DCST2: variants seen among roughly 807,000 people sequenced by gnomAD.
DCST2 encodes DC-STAMP domain-containing protein 2.
Under a neutral mutation model 81.8 loss-of-function variants are expected in DCST2, and 64 were observed. The ratio of observed to expected loss-of-function variants is 0.78; its 90% CI spans 0.64 to 0.96. DCST2 has a LOEUF of 0.96. DCST2 is among the 40% of genes least tolerant of loss of function. The pLI is 0.00. For missense variants in DCST2, 945 were observed against 1,001.4 expected (o/e 0.94, Z 0.76); for synonymous variants, 354 against 402.6 (o/e 0.88, Z 1.44).
chr1:155,030,308 C>G lies in DCST2; in HGVS notation c.1020-67G>C, dbSNP rs528875474. The G allele has an allele frequency of 6.0e-4, 956 of 1,604,088 alleles. 2 individuals are homozygous for G. The highest frequency in any genetic ancestry group is 7.3e-4 in the Non-Finnish European group (856 of 1,173,734). ...CCCAGGCCAGACCCCACAGGGCATC[C>G]GCGCTTCAACCCCACAACTTCAACC... is the stretch of plus-strand genomic sequence containing the variant. On this transcript the variant is annotated intron_variant, in intron 6 of 14. Coordinates refer to ENST00000368424, the MANE Select transcript of DCST2 (RefSeq NM_144622.3).
chr1:155,032,950 T>G, intron 2 of DCST2, 144 bp downstream of exon 2: 1 of 1,047,998 alleles, frequency 9.5e-7, no homozygotes, highest in Non-Finnish European at 1.4e-6. Flanking sequence ...GGAGAGAGGG[T>G]TTAGCTGTGC....
In DCST2 at chr1:155,024,522, C is replaced by T. The variant is rs777848599; in HGVS notation, c.1692G>A (p.Arg564=). 2.5e-5 allele frequency: 41 copies of T among 1,609,586 alleles called. No homozygotes were observed. The highest frequency in any genetic ancestry group is 3.5e-5 in the Non-Finnish European group (41 of 1,177,894). The change falls in exon 11 of 15, where the codon CGG becomes CGA. Residue 564 remains arginine (R), a synonymous_variant. Transcript: ENST00000368424. ...LLAALHRSVR[R]RAADQGHRSA... ...TTCTGTGGCCCTGGTCAGCCGCCCG[C>T]CGCCTCACTGATCGGTGCAGGGCAG...
chr1:155,030,317 A>G lies in DCST2; in HGVS notation c.1020-76T>C, dbSNP rs1046810397. The G allele has an allele frequency of 1.1e-5, 17 of 1,601,460 alleles. No homozygotes were observed. The East Asian group carries it at 2.9e-4, about 27-fold the overall frequency. On this transcript the variant is annotated intron_variant, in intron 6 of 14. Transcript: ENST00000368424. ...GACCCCACAGGGCATCCGCGCTTCA[A>G]CCCCACAACTTCAACCTCCCTGGAT...
At position 155,029,320 on chromosome 1, in the gene DCST2, C is replaced by T. The variant is rs200037746; in HGVS notation, c.1255G>A (p.Val419Met). ...TAGTCTAGGAAGACTAGGAACAGCA[C>T]GAGGAGGAGGTGTCGGATAAGGTTG... ...TFNLIRHLLL[V>M]LFLVFLDYAV... The change falls in exon 8 of 15, where the codon GTG (valine) becomes ATG (methionine). Residue 419 changes from valine (V) to methionine (M), a missense_variant. Coordinates refer to ENST00000368424, the MANE Select transcript of DCST2 (RefSeq NM_144622.3). 48 of 1,613,834 alleles carry T rather than the reference C, an allele frequency of 3.0e-5. No homozygotes were observed. The Admixed American group carries it at 4.5e-4, about 15-fold the overall frequency.
At chr1:155,022,956 GAC>G (rs1659792569) in intron 14 of DCST2, among the ~76,000 whole-genome samples, 159 bp downstream of exon 14, 1 of 152,190 alleles carries the variant, frequency 6.6e-6, no homozygotes, top group South Asian at 2.1e-4. Context: ...CCACGGTGCT[GAC>G]ACAGAGCAGC....
At chr1:155,031,846 C>G in intron 3 of DCST2, 75 bp from the exon 4 acceptor site, 1 of 1,461,504 alleles carries the variant, frequency 6.8e-7, no homozygotes, top group Non-Finnish European at 9.3e-7. Flanking sequence ...GGAACAATAC[C>G]ACAGTATCCA....
intron 14 of DCST2, 82 bp from the exon 15 acceptor site, chr1:155,018,842 C>T: frequency 7.3e-7 from 1 of 1,372,714 alleles, no homozygotes; most frequent in Non-Finnish European, 1.0e-6. Flanking sequence ...CCTGCCCCAT[C>T]TGTTCAGATC....
chr1:155,023,945 C>T lies in DCST2; in HGVS notation c.1757G>A (p.Gly586Asp), dbSNP rs1659826064. 6.2e-7 allele frequency: 1 copy of T among 1,613,112 alleles called. No homozygotes were observed. Among genetic ancestry groups the T allele is most frequent in the Non-Finnish European group, 8.5e-7 (1 of 1,179,838 alleles). Residue 586 changes from glycine (G) to aspartate (D), a missense_variant, in exon 12 of 15, where the codon GGT (glycine) becomes GAT (aspartate). Coordinates refer to ENST00000368424, the MANE Select transcript of DCST2 (RefSeq NM_144622.3). ...CAGCCAAAAGTGGCTGACAAATGGA[C>T]CTAGGCAGGGGCACCTGAGAAAAGG... ...LVLASRCPCL[G>D]PFVSHFWLHQ...
At position 155,023,125 on chromosome 1, in the gene DCST2, G is replaced by A. The variant is rs754305707; in HGVS notation, c.2097C>T (p.Ser699=). The change falls in exon 14 of 15, where the codon TCC becomes TCT. Residue 699 remains serine, a synonymous_variant. Coordinates refer to ENST00000368424, the MANE Select transcript of DCST2 (RefSeq NM_144622.3). ...LGRSLSMEST[S]ESSDLDEEKG... is the part of the protein sequence containing the mutation. ...TCCTGCTTCCTGCTCACCTGGACTC[G>A]GAAGTGGACTCCATTGAGAGGCTCC... 7.4e-6 allele frequency: 12 copies of A among 1,612,386 alleles called. No homozygotes were observed. The East Asian group carries it at 1.1e-4, about 15-fold the overall frequency.
chr1:155,023,504 C>A, intron 12 of DCST2, 47 bp from the exon 13 acceptor site: 2 of 1,553,526 alleles, frequency 1.3e-6, no homozygotes, highest in South Asian at 1.2e-5. Context: ...TTCACCCACC[C>A]ACCCTCTGTG....
Position 155,030,544 on chromosome 1 carries a change from G to A in DCST2, c.907C>T (p.Gln303Ter), listed in dbSNP as rs1394310706. 8.1e-6 allele frequency: 13 copies of A among 1,614,122 alleles called. No homozygotes were observed. Among genetic ancestry groups the A allele is most frequent in the Non-Finnish European group, 1.1e-5 (13 of 1,180,014 alleles). ...GCCTCGTGGAGGTCCATGGCTACCT[G>A]GGACAGGCTCCGAGAGGCATTGAGA... ...VDLNASRSLS[Q>*]VAMDLHEAVS... The change falls in exon 6 of 15, where the codon CAG becomes TAG. Residue 303 changes from glutamine (Q) to a stop codon, truncating the protein, a stop_gained. Coordinates refer to ENST00000368424, the MANE Select transcript of DCST2 (RefSeq NM_144622.3). LOFTEE classifies it high-confidence loss of function.
At chr1:155,020,983 C>T (rs1659736828) in intron 14 of DCST2, among the ~76,000 whole-genome samples, 1 of 151,818 alleles carries the variant, frequency 6.6e-6, no homozygotes, top group African/African-American at 2.4e-5. Context: ...CCACCATGCC[C>T]AGCTAATTTT....
intron 2 of DCST2, 102 bp downstream of exon 2, chr1:155,032,992 G>A (rs889118526): frequency 2.3e-5 from 31 of 1,333,494 alleles, no homozygotes; most frequent in African/African-American, 5.9e-5. Flanking sequence ...GATGCTCCGC[G>A]ATTAGCACCA....
chr1:155,024,583 T>A lies in DCST2; in HGVS notation c.1631A>T (p.Tyr544Phe), dbSNP rs1558098835. ...GGTTCGGCGGCTCAGAAGTACATTG[T>A]ACAGGTAGGAGATCCTCTCCTGGTG... ...SREQERISYL[Y>F]NVLLSRRTNL... Residue 544 changes from tyrosine to phenylalanine, a missense_variant, in exon 11 of 15, where the codon TAC (tyrosine) becomes TTC (phenylalanine). Transcript: ENST00000368424. 1 of 1,605,788 alleles carries A rather than the reference T, an allele frequency of 6.2e-7. No individual in the cohort carries two copies. Among genetic ancestry groups the A allele is most frequent in the East Asian group, 2.3e-5 (1 of 44,362 alleles).
rs528552754 is a variant in DCST2 at position 155,025,793 on chromosome 1, G to A, written c.1611+509C>T. On this transcript the variant is annotated intron_variant, in intron 10 of 14. Transcript: ENST00000368424. ...AGCTCACTACAGCCTTGAATTCCTC[G>A]GCTCAAGCGATCCTCCCTAGTAGCT... Among the ~76,000 whole-genome samples the A allele has an allele frequency of 5.3e-5, 8 of 150,956 alleles. No individual in the cohort carries two copies. In the East Asian group the frequency reaches 5.9e-4, roughly 11 times the overall value.
intron 3 of DCST2, 106 bp from the exon 4 acceptor site, chr1:155,031,877 C>A: frequency 8.2e-7 from 1 of 1,215,230 alleles, no homozygotes; most frequent in South Asian, 1.4e-5. Context: ...GGCCTGTGGT[C>A]AGGGACCTGG....
At chr1:155,022,315 C>T (rs1252004518) in intron 14 of DCST2, among the ~76,000 whole-genome samples, 1 of 152,198 alleles carries the variant, frequency 6.6e-6, no homozygotes, top group Admixed American at 6.5e-5. Flanking sequence ...CAGCCACACC[C>T]ATCCCTTGGG....
In DCST2 at chr1:155,030,092, A is replaced by G; in HGVS notation, c.1169T>C (p.Ile390Thr). The change falls in exon 7 of 15, where the codon ATC becomes ACC. Residue 390 changes from isoleucine to threonine, a missense_variant. Coordinates refer to ENST00000368424, the MANE Select transcript of DCST2 (RefSeq NM_144622.3). ...PLSAHEARRY[I>T]PPGSIFLSQW... Reference sequence around the variant, plus strand: ...GTCCTCAGGGCCCTCACCCGGTGGGATGTAGCGCCTGGCCTCGTGAGCACT... The same window carrying G: ...GTCCTCAGGGCCCTCACCCGGTGGGGTGTAGCGCCTGGCCTCGTGAGCACT... 1 of 1,613,322 alleles carries G rather than the reference A, an allele frequency of 6.2e-7. No individual in the cohort carries two copies. The highest frequency in any genetic ancestry group is 1.1e-5 in the South Asian group (1 of 91,034).
chr1:155,031,213 A>AT lies in DCST2; in HGVS notation c.760dup (p.Ile254AsnfsTer3). 1 of 1,589,936 alleles carries AT rather than the reference A, an allele frequency of 6.3e-7. No individual in the cohort carries two copies. ...CAAGAAGGGTTGAATGTACTTAGGG[A>AT]TGACGCAGAACACCTGGACCACTGA... On this transcript the variant is annotated frameshift_variant, in exon 5 of 15. Coordinates refer to ENST00000368424, the MANE Select transcript of DCST2 (RefSeq NM_144622.3). LOFTEE classifies it high-confidence loss of function.
Sources: gnomAD v4.1 joint callset for allele counts (sites outside exome capture counted in the v4.1 genomes callset) on GRCh38, gnomAD v4.1.1 for gene constraint, MANE v1.5 for transcripts, NCBI Gene and HGNC (gene_info 2026-07-23, HGNC 2026-07-21) for gene names.